GPRC5C: variants seen among roughly 807,000 people sequenced by gnomAD.
GPRC5C encodes the protein G protein-coupled receptor class C group 5 member C.
In GPRC5C, 22 loss-of-function variants were observed where a neutral mutation model predicts 31.4. That is an observed-to-expected ratio of 0.70 (90% CI 0.50 to 1.00). The LOEUF is 1.00. GPRC5C is among the 50% of genes least tolerant of loss of function. GPRC5C has a pLI of 0.00. For missense variants in GPRC5C, 557 were observed against 597.2 expected, an observed-to-expected ratio of 0.93 and a Z score of 0.70; for synonymous variants, 249 against 257.5, an observed-to-expected ratio of 0.97 and a Z score of 0.32.
At chr17:74,451,457 T>C (rs2055712351), downstream of GPRC5C, 2 of 152,202 alleles carry the variant, frequency 1.3e-5, no homozygotes, top group African/African-American at 4.8e-5. Context: ...GCAGCTTCTT[T>C]GAGGTGGTCG....
At position 74,443,863 on chromosome 17, in the gene GPRC5C, T is replaced by C; in HGVS notation, c.1097T>C (p.Leu366Pro). The change falls in exon 3 of 4, where the codon CTG becomes CCG. Residue 366 changes from leucine (L) to proline (P), a missense_variant. Physicochemically the swap from Leu to Pro is moderately conservative, Grantham distance 98 (BLOSUM62 -3). Transcript: ENST00000392627. ...TACAGCGGGTACAATGGGCAGCTGC[T>C]GACCAGTGTGTACCAGCCCACTGAG... ...SPYSGYNGQL[L>P]TSVYQPTEMA... The C allele has an allele frequency of 6.2e-7, 1 of 1,613,798 alleles. No homozygotes were observed. The highest frequency in any genetic ancestry group is 8.5e-7 in the Non-Finnish European group (1 of 1,179,730).
chr17:74,447,386 G>C lies in GPRC5C; in HGVS notation c.*358G>C. 5.8e-6 allele frequency: 6 copies of C among 1,030,404 alleles called. No homozygotes were observed. Among genetic ancestry groups the C allele is most frequent in the Non-Finnish European group, 7.0e-6 (6 of 856,680 alleles). The allele number at this position is 1,030,404 out of a possible 1,614,324, so 63.8% of individuals were successfully genotyped here. On this transcript the variant is annotated 3_prime_UTR_variant, in exon 4 of 4. Transcript: ENST00000392627. Reference sequence around the variant, plus strand: ...GCTCAGGCCTGGATCTTGCTCCTCTGTGAGGAACAAGGGTGCCTAATAAAT... The same window carrying C: ...GCTCAGGCCTGGATCTTGCTCCTCTCTGAGGAACAAGGGTGCCTAATAAAT...
downstream of GPRC5C, among the ~76,000 whole-genome samples, chr17:74,448,266 A>G (rs2055671883): frequency 6.6e-6 from 1 of 152,202 alleles, no homozygotes; most frequent in Non-Finnish European, 1.5e-5. Context: ...GCACCATTAC[A>G]CTACTGCCTG....
chr17:74,433,773 G>C, intron 1 of GPRC5C: 1 of 1,601,264 alleles, frequency 6.2e-7, no homozygotes, highest in Middle Eastern at 1.7e-4. Context: ...TGTTGAGTTT[G>C]GTTGGCCCTG....
At chr17:74,451,384 C>A (rs1302598958), downstream of GPRC5C, 3 of 152,216 alleles carry the variant, frequency 2.0e-5, no homozygotes, top group African/African-American at 7.2e-5. Context: ...TACCCACTGG[C>A]CCTGCTTACT....
downstream of GPRC5C, chr17:74,449,658 C>T (rs576404507): frequency 5.7e-5 from 14 of 247,766 alleles, no homozygotes; most frequent in Admixed American, 9.9e-5. Flanking sequence ...CTTGACACGC[C>T]CCCCTCCCCC....
At chr17:74,442,849 A>G (rs2055563601) in intron 2 of GPRC5C, among the ~76,000 whole-genome samples, 2 of 152,160 alleles carry the variant, frequency 1.3e-5, no homozygotes, top group African/African-American at 4.8e-5. Context: ...TGGAATTGGC[A>G]AAACCCACCA....
intron 2 of GPRC5C, among the ~76,000 whole-genome samples, chr17:74,441,558 C>T (rs985787362): frequency 1.3e-5 from 2 of 151,984 alleles, no homozygotes; most frequent in African/African-American, 4.8e-5. Context: ...GGCGCCATGG[C>T]TCACACCTGT....
At chr17:74,433,509 G>A (rs1349994288) in intron 1 of GPRC5C, among the ~76,000 whole-genome samples, 1 of 152,194 alleles carries the variant, frequency 6.6e-6, no homozygotes. Flanking sequence ...TCTCCTGTGC[G>A]CCTTCTTATC....
chr17:74,446,766 C>T, intron 3 of GPRC5C, 83 bp from the exon 4 acceptor site: 3 of 1,083,698 alleles, frequency 2.8e-6, no homozygotes, highest in Non-Finnish European at 4.1e-6. Flanking sequence ...CAGTCCCAGC[C>T]CTGCAGGAAG....
chr17:74,443,213 C>T, intron 2 of GPRC5C: 1 of 211,982 alleles, frequency 4.7e-6, no homozygotes, highest in South Asian at 6.0e-5. Context: ...ACCCCAAAGG[C>T]ACAAGGAAGT....
intron 1 of GPRC5C, among the ~76,000 whole-genome samples, chr17:74,437,869 C>T (rs1048526145): frequency 3.3e-5 from 5 of 151,998 alleles, no homozygotes; most frequent in Admixed American, 6.6e-5. Context: ...ACTGTCAGAC[C>T]AGGAAAGCTT....
intron 1 of GPRC5C, chr17:74,433,686 T>C: frequency 6.2e-7 from 1 of 1,607,178 alleles, no homozygotes; most frequent in Non-Finnish European, 8.5e-7. Flanking sequence ...AAGTGCTCTG[T>C]GGTATCCCTG....
rs776200516 is a variant in GPRC5C, at chr17:74,440,650, G to A, written c.874G>A (p.Val292Ile). ...IALAANAWAF[V>I]LFYVIPEVSQ... is the part of the protein sequence containing the mutation. ...CCTCGCCGCCAATGCCTGGGCCTTC[G>A]TCCTCTTCTACGTCATCCCCGAGGT... is the stretch of plus-strand genomic sequence containing the variant. The change falls in exon 2 of 4, where the codon GTC becomes ATC. Residue 292 changes from valine to isoleucine, a missense_variant. By Grantham distance (29) the Val-to-Ile change is conservative. Coordinates refer to ENST00000392627, the MANE Select transcript of GPRC5C (RefSeq NM_022036.4). This position sits in a 1 kb window ranked among gnomAD's most constrained non-coding sequence, Gnocchi z 4.4. 41 of 1,607,826 alleles carry A rather than the reference G, an allele frequency of 2.6e-5. No homozygotes were observed. Among genetic ancestry groups the A allele is most frequent in the Non-Finnish European group, 3.1e-5 (37 of 1,175,024 alleles).
chr17:74,435,151 G>A (rs1219816531), intron 1 of GPRC5C, among the ~76,000 whole-genome samples: 12 of 152,188 alleles, frequency 7.9e-5, no homozygotes, highest in East Asian at 1.9e-4. Context: ...CCTGGGAGGC[G>A]GAGCTTGCAG....
intron 1 of GPRC5C, among the ~76,000 whole-genome samples, chr17:74,439,125 C>A (rs2055486689): frequency 6.6e-6 from 1 of 152,208 alleles, no homozygotes; most frequent in Non-Finnish European, 1.5e-5. Flanking sequence ...CCCTTGACTT[C>A]CGCTTCCGAG....
Position 74,432,110 on chromosome 17 carries a change from A to G in GPRC5C, c.-64A>G, listed in dbSNP as rs138266618. 6.2e-7 allele frequency: 1 copy of G among 1,613,346 alleles called. No individual in the cohort carries two copies. On this transcript the variant is annotated 5_prime_UTR_variant, in exon 1 of 4. Transcript: ENST00000392627. ...GCCAGAAACTCCCATCTCCCTCACC[A>G]GCCGGAAAGTACGAGTCGGCTCAGC...
chr17:74,437,125 G>A (rs2055443300), intron 1 of GPRC5C, among the ~76,000 whole-genome samples: 1 of 152,110 alleles, frequency 6.6e-6, no homozygotes, highest in Non-Finnish European at 1.5e-5. Flanking sequence ...TGTATTTTTA[G>A]TAGAGACGTG....
Position 74,439,894 on chromosome 17 carries a change from T to C in GPRC5C, c.118T>C (p.Tyr40His). The stretch of plus-strand genomic sequence containing the variant: ...CAGCCAAGGCCTCAACCCCCTGTAC[T>C]ACAACCTGTGTGACCGCTCTGGGGC... ...GCSQGLNPLYYNLCDRSGAWG... is the reference protein window; with the variant it reads ...GCSQGLNPLYHNLCDRSGAWG... Residue 40 changes from tyrosine (Y) to histidine (H), a missense_variant, in exon 2 of 4, where the codon TAC (tyrosine) becomes CAC (histidine). Transcript: ENST00000392627. The C allele has an allele frequency of 3.1e-6, 5 of 1,613,072 alleles. No homozygotes were observed. The highest frequency in any genetic ancestry group is 4.2e-6 in the Non-Finnish European group (5 of 1,179,986).
Sources: gnomAD v4.1 joint callset for allele counts (sites outside exome capture counted in the v4.1 genomes callset) on GRCh38, gnomAD v4.1.1 for gene constraint, Gnocchi (gnomAD v3.1) non-coding constraint, MANE v1.5 for transcripts, NCBI Gene and HGNC (gene_info 2026-07-23, HGNC 2026-07-21) for gene names.